The following TRPC6 variants were observed in gnomAD, a reference collection of about 807,000 sequenced individuals.
TRPC6 encodes the protein transient receptor potential cation channel subfamily C member 6, also known as short transient receptor potential channel 6.
TRPC6 carries 55 observed loss-of-function variants against 90.7 expected under a neutral mutation model. The observed-to-expected ratio is 0.61, with a 90% CI of 0.49 to 0.76. The LOEUF (loss-of-function observed/expected upper bound fraction) is 0.76. TRPC6 is among the 30% of genes least tolerant of loss of function. The probability of loss-of-function intolerance (pLI) is 0.00; values close to 1 mark genes in which losing one functional copy is unlikely to be tolerated. For synonymous variants in TRPC6, 393 were observed against 393.0 expected (o/e 1.00, Z 0.00); for missense variants, 989 against 1,122.7 (o/e 0.88, Z 1.70).
At chr11:101,560,840 T>C (rs1038736574) in intron 1 of TRPC6, among the ~76,000 whole-genome samples, 2 of 152,110 alleles carry the variant, frequency 1.3e-5, no homozygotes, top group African/African-American at 4.8e-5. Flanking sequence ...ATTGATCATT[T>C]ATTATTAGAG....
intron 1 of TRPC6, among the ~76,000 whole-genome samples, chr11:101,510,767 T>G (rs971651904): frequency 6.6e-6 from 1 of 152,128 alleles, no homozygotes; most frequent in Non-Finnish European, 1.5e-5. Context: ...ATGCCAGCAA[T>G]GCAAATTAGC....
intron 1 of TRPC6, among the ~76,000 whole-genome samples, chr11:101,574,670 T>G (rs1862036549): frequency 6.9e-6 from 1 of 145,320 alleles, no homozygotes; most frequent in African/African-American, 2.7e-5. Flanking sequence ...CTGCCCAGGA[T>G]CAGCTTTTTA....
intron 2 of TRPC6, among the ~76,000 whole-genome samples, chr11:101,496,581 T>G (rs1859955154): frequency 6.6e-6 from 1 of 152,228 alleles, no homozygotes; most frequent in African/African-American, 2.4e-5. Context: ...TATTGATTGT[T>G]GCCATCAGCA....
At chr11:101,454,873 G>T in intron 11 of TRPC6, 145 bp downstream of exon 11, 1 of 587,966 alleles carries the variant, frequency 1.7e-6, no homozygotes, top group Non-Finnish European at 2.9e-6. Flanking sequence ...CAAAATGCCT[G>T]GTACATGGTA....
rs537670512 is a variant in TRPC6 at position 101,583,060 on chromosome 11, A to T, written c.170+274T>A. ...TCGACCACCCATCTAATCACCTGCA[A>T]TGGTGGTGTTACTATGCGGTCTCAC... On this transcript the variant is annotated intron_variant, in intron 1 of 12. Transcript: ENST00000344327. The T allele has an allele frequency of 5.6e-6, 3 of 536,814 alleles. No individual in the cohort carries two copies. The South Asian group carries it at 2.4e-4, about 44-fold the overall frequency. 33.3% of individuals were successfully genotyped at this position (536,814 alleles called of 1,614,324 possible).
chr11:101,462,864 G>A (rs11224770), intron 10 of TRPC6, among the ~76,000 whole-genome samples: 47,002 of 151,968 alleles, frequency 0.31, 9,436 homozygotes, highest in African/African-American at 0.58. Flanking sequence ...GAGTGGTGAG[G>A]GAGGACATCC....
chr11:101,499,554 T>C (rs1424785265), intron 2 of TRPC6, among the ~76,000 whole-genome samples: 1 of 139,586 alleles, frequency 7.2e-6, no homozygotes, highest in South Asian at 2.2e-4. Context: ...AATTTTTAGC[T>C]ACATATATAT....
At chr11:101,539,761 C>T (rs569459232) in intron 1 of TRPC6, among the ~76,000 whole-genome samples, 1 of 152,220 alleles carries the variant, frequency 6.6e-6, no homozygotes, top group Admixed American at 6.5e-5. Flanking sequence ...TGGCAATTGT[C>T]TTTATAAATA....
intron 1 of TRPC6, among the ~76,000 whole-genome samples, chr11:101,572,942 G>A (rs1591148507): frequency 6.6e-6 from 1 of 151,914 alleles, no homozygotes; most frequent in Non-Finnish European, 1.5e-5. Context: ...AACCACCATG[G>A]CATGTGTATA....
chr11:101,545,511 A>G (rs775558207), intron 1 of TRPC6, among the ~76,000 whole-genome samples: 7 of 152,144 alleles, frequency 4.6e-5, no homozygotes, highest in African/African-American at 1.4e-4. Context: ...CAAAACTTCT[A>G]TTTTACAAGG....
At chr11:101,510,107 CCTTATCTTT>C (rs1291966424) in intron 1 of TRPC6, among the ~76,000 whole-genome samples, 1 of 152,080 alleles carries the variant, frequency 6.6e-6, no homozygotes, top group Non-Finnish European at 1.5e-5. Flanking sequence ...TTGCTGCTCT[CCTTATCTTT>C]CTTAACTGCA....
At chr11:101,513,018 G>A (rs1359041812) in intron 1 of TRPC6, among the ~76,000 whole-genome samples, 4 of 152,238 alleles carry the variant, frequency 2.6e-5, no homozygotes, top group African/African-American at 9.6e-5. Context: ...GCACCATGAA[G>A]TGCCCACATC....
intron 1 of TRPC6, chr11:101,520,017 A>C (rs1860618457): frequency 6.6e-6 from 1 of 152,048 alleles, no homozygotes; most frequent in Non-Finnish European, 1.5e-5. Context: ...CTGATACCTG[A>C]GCACACACTC....
intron 1 of TRPC6, among the ~76,000 whole-genome samples, chr11:101,528,668 T>C (rs965397576): frequency 1.3e-5 from 2 of 152,140 alleles, no homozygotes; most frequent in African/African-American, 2.4e-5. Flanking sequence ...TGCAGGACCA[T>C]CACCTTTGCC....
At chr11:101,540,651 T>C (rs1234936134) in intron 1 of TRPC6, among the ~76,000 whole-genome samples, 1 of 152,222 alleles carries the variant, frequency 6.6e-6, no homozygotes, top group Non-Finnish European at 1.5e-5. Flanking sequence ...TACACATAAC[T>C]TAATATTAAA....
rs185697917 is a variant in TRPC6, at chr11:101,491,886, G to T, written c.946-148C>A. The T allele has an allele frequency of 1.1e-4, 79 of 744,552 alleles. No individual in the cohort carries two copies. In the East Asian group the frequency reaches 2.6e-3, roughly 25 times the overall value. 46.1% of individuals were successfully genotyped at this position (744,552 alleles called of 1,614,324 possible). ...GACGGAGCCTGGCTGTGTTGCCCAGGCTGGAGTGCAGTGGCACAATCTTGG... is the reference window on the plus strand; with the variant it reads ...GACGGAGCCTGGCTGTGTTGCCCAGTCTGGAGTGCAGTGGCACAATCTTGG... On this transcript the variant is annotated intron_variant, in intron 2 of 12. Coordinates refer to ENST00000344327, the MANE Select transcript of TRPC6 (RefSeq NM_004621.6).
intron 1 of TRPC6, among the ~76,000 whole-genome samples, chr11:101,569,940 G>T (rs901925304): frequency 2.0e-5 from 3 of 151,500 alleles, no homozygotes; most frequent in Admixed American, 2.0e-4. Flanking sequence ...ATTGACACCC[G>T]AACATCATAA....
chr11:101,459,602 C>T (rs975986579), intron 10 of TRPC6, among the ~76,000 whole-genome samples: 2 of 152,144 alleles, frequency 1.3e-5, no homozygotes, highest in South Asian at 4.1e-4. Context: ...TAATTTTCCA[C>T]ATTTTTAGAG....
intron 10 of TRPC6, among the ~76,000 whole-genome samples, chr11:101,462,610 CTGTTA>C (rs1161778181): frequency 6.6e-6 from 1 of 151,694 alleles, no homozygotes; most frequent in East Asian, 1.9e-4. Flanking sequence ...GGCTCTCTGT[CTGTTA>C]TGGGTGTATA....
Sources: allele counts gnomAD v4.1 joint callset (sites outside exome capture counted in the v4.1 genomes callset), GRCh38; gene constraint gnomAD v4.1.1; transcripts MANE v1.5; gene names NCBI Gene and HGNC (gene_info 2026-07-23, HGNC 2026-07-21).